PKD1L1: variants seen among roughly 807,000 people sequenced by gnomAD.
PKD1L1 encodes polycystin 1 like 1, transient receptor potential channel interacting.
Under a neutral mutation model 323.4 loss-of-function variants are expected in PKD1L1, and 236 were observed. The ratio of observed to expected loss-of-function variants is 0.73; its 90% CI spans 0.66 to 0.81. The LOEUF (loss-of-function observed/expected upper bound fraction) is 0.81. Ranked by LOEUF, PKD1L1 falls within the 40% of genes least tolerant of loss-of-function variation. The pLI, the probability that PKD1L1 is intolerant of heterozygous loss-of-function variation, is 0.00. For synonymous variants in PKD1L1, 1,344 were observed against 1,335.0 expected (o/e 1.01, Z -0.15); for missense variants, 3,320 against 3,508.0 (o/e 0.95, Z 1.35).
rs17131893 is a variant in PKD1L1 at position 47,880,627 on chromosome 7, G to C, written c.3520+101C>G. The C allele has an allele frequency of 0.23, 186,636 of 801,998 alleles. 23,010 individuals carry two copies. Among genetic ancestry groups the C allele is most frequent in the African/African-American group, 0.53 (27,550 of 51,960 alleles). 49.7% of individuals were successfully genotyped at this position (801,998 alleles called of 1,614,324 possible). A position where few individuals can be genotyped will look rare whatever the true frequency, so the allele number is the denominator to read the frequency against. ...AAAAAGGCAACTGCTTAGCCTTTAC[G>C]CTGATGTAGACCTGCACCCCATTCC... is the stretch of plus-strand genomic sequence containing the variant. On this transcript the variant is annotated intron_variant, in intron 21 of 56. Transcript: ENST00000289672.
the PKD1L1 span, among the ~76,000 whole-genome samples, chr7:47,959,057 C>T: frequency 1.3e-5 from 2 of 152,276 alleles, no homozygotes; most frequent in South Asian, 2.1e-4. Context: ...CTCCTAACTG[C>T]GAGTGATCCG....
At chr7:47,869,815 T>C (rs954294936) in intron 24 of PKD1L1, among the ~76,000 whole-genome samples, 16 of 152,176 alleles carry the variant, frequency 1.1e-4, no homozygotes, top group African/African-American at 3.9e-4. Flanking sequence ...GGACATTTTC[T>C]AGAATACACC....
In PKD1L1 at chr7:47,885,893, G is replaced by A; in HGVS notation, c.2998C>T (p.Pro1000Ser). The change falls in exon 18 of 57, where the codon CCT (proline) becomes TCT (serine). Residue 1000 changes from proline (P) to serine (S), a missense_variant. Coordinates refer to ENST00000289672, the MANE Select transcript of PKD1L1 (RefSeq NM_138295.5). The part of the protein sequence containing the change: ...REPSPVTLGQ[P>S]ATSAPRGTPT... ...GTTCCCCTTGGAGCTGAAGTGGCAG[G>A]TTGGCCAAGGGTCACGGGTGAAGGT... The A allele has an allele frequency of 6.2e-7, 1 of 1,614,164 alleles. No individual in the cohort carries two copies. Among genetic ancestry groups the A allele is most frequent in the Non-Finnish European group, 8.5e-7 (1 of 1,180,036 alleles).
chr7:47,828,645 A>G (rs1785282782), intron 44 of PKD1L1, among the ~76,000 whole-genome samples: 1 of 152,234 alleles, frequency 6.6e-6, no homozygotes, highest in South Asian at 2.1e-4. Context: ...AATACAGTGT[A>G]GATGTAAAAC....
intron 42 of PKD1L1, among the ~76,000 whole-genome samples, 185 bp downstream of exon 42, chr7:47,831,032 C>G (rs1335699126): frequency 1.3e-5 from 2 of 152,142 alleles, no homozygotes; most frequent in Non-Finnish European, 2.9e-5. Context: ...GGCCAAGCCA[C>G]CCTTTGGGAT....
chr7:47,882,641 A>G (rs1786588499), intron 19 of PKD1L1, among the ~76,000 whole-genome samples: 1 of 150,056 alleles, frequency 6.7e-6, no homozygotes. Flanking sequence ...GGTTGAGTAA[A>G]ACCAAAATGC....
At chr7:47,887,856 G>C in intron 17 of PKD1L1, 134 bp downstream of exon 17, 1 of 844,302 alleles carries the variant, frequency 1.2e-6, no homozygotes, top group Non-Finnish European at 1.8e-6. Flanking sequence ...GGCTGGGGAA[G>C]CACGACGGAC....
chr7:47,901,727 CT>C (rs768484529), intron 13 of PKD1L1, among the ~76,000 whole-genome samples: 1 of 152,340 alleles, frequency 6.6e-6, no homozygotes, highest in East Asian at 1.9e-4. Flanking sequence ...CCAGCACCCT[CT>C]GCGGGCTGAC....
At chr7:47,892,313 A>G (rs575740566) in intron 15 of PKD1L1, among the ~76,000 whole-genome samples, 5 of 152,280 alleles carry the variant, frequency 3.3e-5, no homozygotes, top group Middle Eastern at 6.8e-3. Context: ...TGCTGTAAAG[A>G]GCTGAGAGAG....
chr7:47,883,296 T>C (rs991864787), intron 19 of PKD1L1, among the ~76,000 whole-genome samples: 1 of 152,216 alleles, frequency 6.6e-6, no homozygotes, highest in Non-Finnish European at 1.5e-5. Flanking sequence ...AGGCCCAGCC[T>C]GCAATGTGTC....
chr7:47,941,596 T>C (rs930213341), intron 2 of PKD1L1, among the ~76,000 whole-genome samples: 2 of 152,252 alleles, frequency 1.3e-5, no homozygotes, highest in African/African-American at 4.8e-5. Flanking sequence ...TGGCCTAATA[T>C]GTGACGTGCT....
chr7:47,821,261 G>T (rs1283255641), intron 45 of PKD1L1, 75 bp from the exon 46 acceptor site: 5 of 771,856 alleles, frequency 6.5e-6, no homozygotes, highest in African/African-American at 5.3e-5. Context: ...ATTTGCAAAA[G>T]ATTTATTATT....
chr7:47,908,121 T>C lies in PKD1L1; in HGVS notation c.1358A>G (p.Glu453Gly). ...SAFMNSSSVH[E>G]DEVLVFADSQ... is the part of the protein sequence containing the mutation. ...GTCAGCAAAGACAAGCACTTCATCT[T>C]CATGGACACTGCTGGAGTTCATGAA... Residue 453 changes from glutamate (E) to glycine (G), a missense_variant, in exon 9 of 57, where the codon GAA becomes GGA. Physicochemically the swap from Glu to Gly is moderately conservative, Grantham distance 98. Coordinates refer to ENST00000289672, the MANE Select transcript of PKD1L1 (RefSeq NM_138295.5). 6.2e-7 allele frequency: 1 copy of C among 1,614,206 alleles called. No homozygotes were observed. The highest frequency in any genetic ancestry group is 8.5e-7 in the Non-Finnish European group (1 of 1,180,038).
rs572124498 is a variant in PKD1L1 at position 47,921,234 on chromosome 7, T to C, written c.1061-5635A>G. Reference sequence around the variant, plus strand: ...GTGGCCTAAGGACATGAATAGACAATTCTCAAAAAAAAAAAAAAAAAAAAG... The same window carrying C: ...GTGGCCTAAGGACATGAATAGACAACTCTCAAAAAAAAAAAAAAAAAAAAG... On this transcript the variant is annotated intron_variant, in intron 7 of 56. Transcript: ENST00000289672. Among the ~76,000 whole-genome samples, 335 of 98,392 alleles carry C rather than the reference T, an allele frequency of 3.4e-3. 6 individuals are homozygous for C. The highest frequency in any genetic ancestry group is 0.014 in the African/African-American group (315 of 22,470). The allele number at this position is 98,392 out of a possible 152,430, so 64.5% of individuals were successfully genotyped here. A position where few individuals can be genotyped will look rare whatever the true frequency, so the allele number is the denominator to read the frequency against.
In PKD1L1 at chr7:47,832,843, AT is replaced by A. The variant is rs537757123; in HGVS notation, c.6337+246del. On this transcript the variant is annotated intron_variant, in intron 41 of 56. Transcript: ENST00000289672. ...AACTCCAGAATACTTTAAAAAGGTT[AT>A]GAGTGTATTATTGGCTTTTAAAAAG... 9.3e-4 allele frequency among the ~76,000 whole-genome samples: 141 copies of A among 152,380 alleles called. 3 individuals are homozygous for A. The highest frequency in any genetic ancestry group is 3.2e-3 in the African/African-American group (135 of 41,588).
chr7:47,845,681 C>A (rs1439432703), intron 32 of PKD1L1, among the ~76,000 whole-genome samples: 1 of 152,172 alleles, frequency 6.6e-6, no homozygotes, highest in East Asian at 1.9e-4. Context: ...CCTCTGCCTC[C>A]CAGGTTCAAG....
intron 24 of PKD1L1, among the ~76,000 whole-genome samples, chr7:47,867,542 T>C (rs185355746): frequency 2.0e-5 from 3 of 152,294 alleles, no homozygotes; most frequent in African/African-American, 7.2e-5. Flanking sequence ...TGAAAAATTA[T>C]GAGACATCCA....
chr7:47,801,990 G>A (rs1243556090), intron 53 of PKD1L1, among the ~76,000 whole-genome samples: 1 of 152,066 alleles, frequency 6.6e-6, no homozygotes, highest in East Asian at 1.9e-4. Flanking sequence ...AGGAGATCGA[G>A]ACCATCCTGG....
At chr7:47,803,426 TA>T in intron 52 of PKD1L1, 82 bp from the exon 53 acceptor site, 1 of 1,507,918 alleles carries the variant, frequency 6.6e-7, no homozygotes, top group Admixed American at 1.8e-5. Context: ...CAGTCATGCA[TA>T]AAGAGTTCAT....
Sources: allele counts gnomAD v4.1 joint callset (sites outside exome capture counted in the v4.1 genomes callset), GRCh38; gene constraint gnomAD v4.1.1; transcripts MANE v1.5; gene names NCBI Gene and HGNC (gene_info 2026-07-23, HGNC 2026-07-21).